The following LRRC7 variants were observed in gnomAD, a reference collection of about 807,000 sequenced individuals.
LRRC7 encodes the protein leucine rich repeat containing 7.
A neutral mutation model predicts 175.7 loss-of-function variants in LRRC7; 23 were observed. That is an observed-to-expected ratio of 0.13 (90% CI 0.09 to 0.19). The LOEUF is 0.19. LRRC7 is among the 10% of genes least tolerant of loss of function. The pLI is 1.00. For missense variants in LRRC7, 1,354 were observed against 1,904.7 expected (o/e 0.71, Z 5.38); for synonymous variants, 685 against 680.9 (o/e 1.01, Z -0.09).
At chr1:69,590,929 A>T (rs1646605137) in intron 1 of LRRC7, among the ~76,000 whole-genome samples, 3 of 152,166 alleles carry the variant, frequency 2.0e-5, no homozygotes, top group Non-Finnish European at 4.4e-5. Flanking sequence ...TTTAAAAAAT[A>T]TAAAACATGC....
intron 26 of LRRC7, among the ~76,000 whole-genome samples, chr1:70,120,809 G>C (rs1321603336): frequency 6.6e-6 from 1 of 152,016 alleles, no homozygotes; most frequent in East Asian, 1.9e-4. Context: ...CGCAAAGAAA[G>C]CAATTACATA....
At chr1:69,780,268 G>A (rs2101017520) in intron 3 of LRRC7, among the ~76,000 whole-genome samples, 1 of 152,264 alleles carries the variant, frequency 6.6e-6, no homozygotes, top group African/African-American at 2.4e-5. Context: ...AAAAAGTCTA[G>A]GGATATTTCT....
At chr1:69,855,379 A>G (rs1017147019) in intron 7 of LRRC7, among the ~76,000 whole-genome samples, 2 of 152,072 alleles carry the variant, frequency 1.3e-5, no homozygotes, top group African/African-American at 2.4e-5. Flanking sequence ...TCATTTTGTT[A>G]TGTACCCAGT....
intron 1 of LRRC7, among the ~76,000 whole-genome samples, chr1:69,643,652 TC>T (rs1284855001): frequency 6.6e-6 from 1 of 152,096 alleles, no homozygotes; most frequent in Non-Finnish European, 1.5e-5. Flanking sequence ...ACTACCCTAA[TC>T]CCTCTCTCTG....
intron 10 of LRRC7, 65 bp downstream of exon 10, chr1:69,986,451 T>C (rs1653942422): frequency 1.4e-6 from 2 of 1,420,610 alleles, no homozygotes; most frequent in Admixed American, 2.0e-5. Flanking sequence ...TTTGGAAGTA[T>C]AGTTTGTCTA....
intron 1 of LRRC7, among the ~76,000 whole-genome samples, chr1:69,654,246 A>G (rs1570190577): frequency 6.6e-6 from 1 of 152,054 alleles, no homozygotes; most frequent in East Asian, 1.9e-4. Flanking sequence ...TTTAGATAAA[A>G]ATATCAAAAA....
chr1:69,688,589 G>C (rs1038675685), intron 2 of LRRC7, among the ~76,000 whole-genome samples: 1 of 151,548 alleles, frequency 6.6e-6, no homozygotes, highest in South Asian at 2.1e-4. Context: ...ATGAAAATTT[G>C]CAGAGGAAGA....
intron 1 of LRRC7, among the ~76,000 whole-genome samples, chr1:69,659,543 G>A (rs979073591): frequency 1.7e-4 from 25 of 150,744 alleles, no homozygotes; most frequent in African/African-American, 6.1e-4. Flanking sequence ...ACCTTTCAAG[G>A]AAGGACAGTT....
At chr1:69,763,384 C>T (rs1052637295) in intron 3 of LRRC7, among the ~76,000 whole-genome samples, 1 of 152,074 alleles carries the variant, frequency 6.6e-6, no homozygotes, top group Non-Finnish European at 1.5e-5. Flanking sequence ...CTGAGAAGGA[C>T]AAAATATGTC....
chr1:69,835,419 AT>A (rs1322300098), intron 6 of LRRC7, among the ~76,000 whole-genome samples: 1 of 151,930 alleles, frequency 6.6e-6, no homozygotes, highest in African/African-American at 2.4e-5. Flanking sequence ...GGAAAAAGCA[AT>A]TCATAATAAC....
chr1:69,666,579 C>A (rs1218183910), intron 1 of LRRC7, among the ~76,000 whole-genome samples: 2 of 151,898 alleles, frequency 1.3e-5, no homozygotes, highest in African/African-American at 4.8e-5. Context: ...TCAATTTCTT[C>A]TAGATTTTTC....
chr1:69,714,773 A>C (rs1297962405), intron 2 of LRRC7, among the ~76,000 whole-genome samples: 2 of 151,946 alleles, frequency 1.3e-5, no homozygotes, highest in African/African-American at 4.8e-5. Flanking sequence ...CAAGATTAGG[A>C]ATCTGATGTT....
intron 25 of LRRC7, among the ~76,000 whole-genome samples, chr1:70,104,436 GAT>G (rs1426549760): frequency 2.0e-5 from 3 of 152,154 alleles, no homozygotes; most frequent in African/African-American, 7.2e-5. Flanking sequence ...AGTCTTGGGA[GAT>G]ATTTCACCTC....
intron 7 of LRRC7, among the ~76,000 whole-genome samples, chr1:69,926,486 G>A (rs1165687467): frequency 7.1e-6 from 1 of 140,092 alleles, no homozygotes; most frequent in Non-Finnish European, 1.6e-5. Context: ...ATGAGTCTGG[G>A]TGCTCCTGTA....
intron 4 of LRRC7, among the ~76,000 whole-genome samples, chr1:69,819,218 A>T (rs543435542): frequency 6.6e-6 from 1 of 151,612 alleles, no homozygotes; most frequent in South Asian, 2.1e-4. Flanking sequence ...CCCTCTTAAA[A>T]CTGCTTTTGC....
intron 7 of LRRC7, among the ~76,000 whole-genome samples, chr1:69,864,555 G>T (rs952626650): frequency 6.6e-6 from 1 of 152,124 alleles, no homozygotes; most frequent in Admixed American, 6.5e-5. Context: ...TTTATTTCAT[G>T]TTTGTTAATG....
At chr1:69,595,843 C>T (rs963927953) in intron 1 of LRRC7, among the ~76,000 whole-genome samples, 26 of 151,928 alleles carry the variant, frequency 1.7e-4, no homozygotes, top group Non-Finnish European at 3.5e-4. Flanking sequence ...ACAATTATAC[C>T]ATTTAAGTCT....
At chr1:70,117,197 G>A (rs11810721) in intron 26 of LRRC7, among the ~76,000 whole-genome samples, 19,356 of 152,132 alleles carry the variant, frequency 0.13, 1,699 homozygotes, top group African/African-American at 0.24. Context: ...TGTCCTCCCT[G>A]TTGGATAATC....
rs150012092 is a variant in LRRC7, at chr1:69,767,793, T to C, written c.303+7400T>C. Reference sequence around the variant, plus strand: ...GTATTTTGTTTTAATTAGGCACTGGTTGAAATTCAATTTCATAAAAGTATG... The same window carrying C: ...GTATTTTGTTTTAATTAGGCACTGGCTGAAATTCAATTTCATAAAAGTATG... On this transcript the variant is annotated intron_variant, in intron 3 of 26. Coordinates refer to ENST00000651989, the MANE Select transcript of LRRC7 (RefSeq NM_001370785.2). 5.7e-4 allele frequency among the ~76,000 whole-genome samples: 87 copies of C among 152,294 alleles called. 1 individual carries two copies. Among genetic ancestry groups the C allele is most frequent in the African/African-American group, 1.9e-3 (81 of 41,566 alleles).
Sources: allele counts gnomAD v4.1 joint callset (sites outside exome capture counted in the v4.1 genomes callset), GRCh38; gene constraint gnomAD v4.1.1; transcripts MANE v1.5; gene names NCBI Gene and HGNC (gene_info 2026-07-23, HGNC 2026-07-21).